The following SHISA9 variants were observed in gnomAD, a reference collection of about 807,000 sequenced individuals.
SHISA9 encodes the protein shisa family member 9, also known as protein shisa-9.
Under a neutral mutation model 38.0 loss-of-function variants are expected in SHISA9, and 13 were observed. That is an observed-to-expected ratio of 0.34 (90% confidence interval 0.22 to 0.54). The LOEUF (loss-of-function observed/expected upper bound fraction) is 0.54. SHISA9 is among the 20% of genes least tolerant of loss of function. SHISA9 has a pLI of 0.91. For missense variants in SHISA9, 538 were observed against 575.8 expected, an observed-to-expected ratio of 0.93 and a Z score of 0.67; for synonymous variants, 275 against 242.0, an observed-to-expected ratio of 1.14 and a Z score of -1.27.
intron 2 of SHISA9, among the ~76,000 whole-genome samples, chr16:13,040,416 G>A (rs2073120466): frequency 6.6e-6 from 1 of 152,168 alleles, no homozygotes; most frequent in South Asian, 2.1e-4. Context: ...TTGTAATTCA[G>A]ATTTCAGCTC....
At chr16:13,071,231 G>A (rs1484996674) in intron 2 of SHISA9, among the ~76,000 whole-genome samples, 1 of 152,148 alleles carries the variant, frequency 6.6e-6, no homozygotes, top group Non-Finnish European at 1.5e-5. Context: ...AGGGTCATAC[G>A]TACAGCCAGC....
the SHISA9 span, among the ~76,000 whole-genome samples, chr16:13,437,986 C>T: frequency 3.3e-5 from 5 of 151,658 alleles, no homozygotes; most frequent in Non-Finnish European, 5.9e-5. Flanking sequence ...CCGTCTCAGC[C>T]TCCCAAGTAG....
chr16:13,267,875 G>T, the SHISA9 span, among the ~76,000 whole-genome samples: 3 of 137,450 alleles, frequency 2.2e-5, no homozygotes, highest in African/African-American at 8.0e-5. Flanking sequence ...TGTTTCTCAG[G>T]TTTTTTTTTT....
the SHISA9 span, among the ~76,000 whole-genome samples, chr16:13,263,822 A>C: frequency 2.6e-5 from 4 of 152,214 alleles, no homozygotes; most frequent in African/African-American, 7.2e-5. Flanking sequence ...TGATAGGTAC[A>C]TGAGACCTGT....
At chr16:13,448,024 G>C in the SHISA9 span, among the ~76,000 whole-genome samples, 1 of 152,262 alleles carries the variant, frequency 6.6e-6, no homozygotes, top group Admixed American at 6.5e-5. Flanking sequence ...CAGGCCCAGG[G>C]TGTCTATCGT....
intron 4 of SHISA9, among the ~76,000 whole-genome samples, chr16:13,225,701 A>G (rs975440085): frequency 6.6e-6 from 1 of 151,928 alleles, no homozygotes; most frequent in African/African-American, 2.4e-5. Flanking sequence ...GCCTGCTGAG[A>G]CCCTCAGATG....
the SHISA9 span, among the ~76,000 whole-genome samples, chr16:13,553,909 A>G: frequency 6.6e-6 from 1 of 152,164 alleles, no homozygotes; most frequent in African/African-American, 2.4e-5. Context: ...ATGATGATCC[A>G]CATCTCATTG....
At chr16:12,919,028 C>G (rs565041056) in intron 2 of SHISA9, among the ~76,000 whole-genome samples, 11 of 152,238 alleles carry the variant, frequency 7.2e-5, no homozygotes, top group Admixed American at 6.5e-4. Flanking sequence ...TTTACAGGAG[C>G]TACTTACATA....
At chr16:13,399,730 C>T in the SHISA9 span, among the ~76,000 whole-genome samples, 1 of 152,186 alleles carries the variant, frequency 6.6e-6, no homozygotes, top group Non-Finnish European at 1.5e-5. Flanking sequence ...AGAAGGGTGC[C>T]TGCGTGTATC....
chr16:13,464,353 A>G, the SHISA9 span, among the ~76,000 whole-genome samples: 7 of 152,300 alleles, frequency 4.6e-5, no homozygotes, highest in African/African-American at 1.7e-4. Context: ...CTGTCTTACC[A>G]TGGGTTTCTC....
intron 2 of SHISA9, among the ~76,000 whole-genome samples, chr16:13,155,064 T>G (rs2050532230): frequency 6.6e-6 from 1 of 152,148 alleles, no homozygotes; most frequent in Non-Finnish European, 1.5e-5. Flanking sequence ...AATAATGACA[T>G]GGGATGAAAT....
intron 2 of SHISA9, among the ~76,000 whole-genome samples, chr16:12,946,727 C>T (rs942538267): frequency 1.3e-5 from 2 of 152,224 alleles, no homozygotes; most frequent in African/African-American, 4.8e-5. Context: ...TCTCAATAGC[C>T]ATGGCGGAGA....
the SHISA9 span, among the ~76,000 whole-genome samples, chr16:13,469,435 GAGAA>G: frequency 3.2e-5 from 4 of 124,488 alleles, no homozygotes; most frequent in Admixed American, 7.6e-5. Flanking sequence ...AAGAAAGAAA[GAGAA>G]AGAAAGAGAA....
At position 13,014,954 on chromosome 16, in the gene SHISA9, C is replaced by G. The variant is rs1422756515; in HGVS notation, c.691+98139C>G. Among the ~76,000 whole-genome samples, 3 of 152,358 alleles carry G rather than the reference C, an allele frequency of 2.0e-5. No individual in the cohort carries two copies. In the East Asian group the frequency reaches 5.8e-4, roughly 29 times the overall value. On this transcript the variant is annotated intron_variant, in intron 2 of 4. Transcript: ENST00000558583. Reference sequence around the variant, plus strand: ...GGGATCTCACCTATATGCCTCTTCCCCACTCAATGTCCAGCAGAGGGTTGG... The same window carrying G: ...GGGATCTCACCTATATGCCTCTTCCGCACTCAATGTCCAGCAGAGGGTTGG...
chr16:13,172,803 G>A (rs2050698403), intron 2 of SHISA9, among the ~76,000 whole-genome samples: 1 of 150,702 alleles, frequency 6.6e-6, no homozygotes, highest in African/African-American at 2.4e-5. Flanking sequence ...CCACGAGAGA[G>A]GAGGCGGGAT....
the SHISA9 span, among the ~76,000 whole-genome samples, chr16:13,356,501 G>A: frequency 6.6e-6 from 1 of 152,160 alleles, no homozygotes; most frequent in Admixed American, 6.5e-5. Flanking sequence ...GGGAGGGCTA[G>A]TCACGGAACG....
At chr16:13,209,351 G>C (rs1245646077) in intron 3 of SHISA9, among the ~76,000 whole-genome samples, 2 of 152,148 alleles carry the variant, frequency 1.3e-5, no homozygotes. Context: ...AGACATACAT[G>C]AAAGTTAACT....
chr16:13,470,974 C>T, the SHISA9 span, among the ~76,000 whole-genome samples: 2 of 151,594 alleles, frequency 1.3e-5, no homozygotes, highest in African/African-American at 4.8e-5. Context: ...AAAAATGAGG[C>T]AGGATAGGAG....
the SHISA9 span, among the ~76,000 whole-genome samples, chr16:13,465,109 TG>T: frequency 6.6e-6 from 1 of 152,168 alleles, no homozygotes; most frequent in South Asian, 2.1e-4. Context: ...TGATCTATTC[TG>T]GGGGTAGGGG....
Sources: gnomAD v4.1 joint callset for allele counts (sites outside exome capture counted in the v4.1 genomes callset) on GRCh38, gnomAD v4.1.1 for gene constraint, MANE v1.5 for transcripts, NCBI Gene and HGNC (gene_info 2026-07-23, HGNC 2026-07-21) for gene names.